The following ABRAXAS2 variants were observed in gnomAD, a reference collection of about 807,000 sequenced individuals.
The protein encoded by ABRAXAS2 is abraxas 2, BRISC complex subunit.
A neutral mutation model predicts 49.0 loss-of-function variants in ABRAXAS2; 23 were observed. That is an observed-to-expected ratio of 0.47 (90% CI 0.34 to 0.66). The LOEUF (loss-of-function observed/expected upper bound fraction) is 0.66. Among genes scored for constraint, ABRAXAS2 ranks in the 30% least tolerant of loss-of-function variants. ABRAXAS2 has a pLI of 0.01. For synonymous variants in ABRAXAS2, 168 were observed against 180.2 expected (o/e 0.93, Z 0.54); for missense variants, 443 against 511.9 (o/e 0.87, Z 1.30).
At chr10:124,808,425 C>T (rs925438125) in intron 2 of ABRAXAS2, among the ~76,000 whole-genome samples, 3 of 152,146 alleles carry the variant, frequency 2.0e-5, no homozygotes, top group African/African-American at 7.2e-5. Flanking sequence ...ATCCGCCCAC[C>T]TCAGCCTCCC....
intron 3 of ABRAXAS2, among the ~76,000 whole-genome samples, chr10:124,817,368 A>C (rs986579606): frequency 6.6e-6 from 1 of 152,168 alleles, no homozygotes; most frequent in African/African-American, 2.4e-5. Flanking sequence ...AGAGTGAGGA[A>C]AAGAAAGTCC....
chr10:124,828,674 C>CT (rs377051096), intron 5 of ABRAXAS2, 82 bp from the exon 6 acceptor site: 94,192 of 1,090,420 alleles, frequency 0.086, 1,169 homozygotes, highest in African/African-American at 0.21. Flanking sequence ...ACACCCAGCC[C>CT]TTTTTTTTTT....
chr10:124,828,685 T>A (rs1372542346), intron 5 of ABRAXAS2, 71 bp from the exon 6 acceptor site: 4 of 1,444,406 alleles, frequency 2.8e-6, no homozygotes, highest in South Asian at 2.6e-5. Context: ...TTTTTTTTTT[T>A]AGACTGTCAG....
chr10:124,829,884 A>G (rs1261894793), intron 7 of ABRAXAS2, among the ~76,000 whole-genome samples: 1 of 152,190 alleles, frequency 6.6e-6, no homozygotes. Context: ...AGCTGCCTCC[A>G]TCGAGTGGGA....
chr10:124,816,192 C>T (rs936676568), intron 2 of ABRAXAS2, among the ~76,000 whole-genome samples: 6 of 152,140 alleles, frequency 3.9e-5, no homozygotes, highest in African/African-American at 9.7e-5. Flanking sequence ...TGAGCCACTG[C>T]GACCTGCCTA....
chr10:124,804,849 G>C (rs1199380042), intron 1 of ABRAXAS2, among the ~76,000 whole-genome samples: 1 of 151,596 alleles, frequency 6.6e-6, no homozygotes, highest in South Asian at 2.1e-4. Context: ...TAGTAGCTGG[G>C]ATTACAGGTG....
chr10:124,819,048 C>T (rs1950843728), intron 3 of ABRAXAS2, among the ~76,000 whole-genome samples: 1 of 152,128 alleles, frequency 6.6e-6, no homozygotes, highest in Non-Finnish European at 1.5e-5. Flanking sequence ...AAATGAGCTG[C>T]TACGTTATCT....
chr10:124,802,678 C>T (rs1950714152), intron 1 of ABRAXAS2, among the ~76,000 whole-genome samples: 2 of 152,178 alleles, frequency 1.3e-5, no homozygotes, highest in African/African-American at 2.4e-5. Flanking sequence ...CTTTGTGAAA[C>T]TAGATCACTT....
intron 1 of ABRAXAS2, among the ~76,000 whole-genome samples, chr10:124,805,249 C>T (rs1040423412): frequency 6.6e-6 from 1 of 151,262 alleles, no homozygotes; most frequent in Admixed American, 6.6e-5. Context: ...AGGAGAATGG[C>T]GTGAACCCCG....
At chr10:124,815,892 C>CTTTTTT (rs34730970) in intron 2 of ABRAXAS2, among the ~76,000 whole-genome samples, 1 of 94,668 alleles carries the variant, frequency 1.1e-5, no homozygotes, top group Non-Finnish European at 2.0e-5. Context: ...GTCCTCGCAG[C>CTTTTTT]TTTTTTTTTT....
rs1488519758 is a variant in ABRAXAS2, at chr10:124,806,918, A to G, written c.160A>G (p.Ile54Val). 1 of 1,597,754 alleles carries G rather than the reference A, an allele frequency of 6.3e-7. No individual in the cohort carries two copies. The highest frequency in any genetic ancestry group is 8.6e-7 in the Non-Finnish European group (1 of 1,166,736). The stretch of plus-strand genomic sequence containing the variant: ...CAGCAACACAGAATTTCTGCAAGTA[A>G]TTGGTAAGTAAATTTCTCAATGACC... Reference protein sequence around the residue: ...QISNTEFLQVIEIHNHQPCSK... With the variant: ...QISNTEFLQVVEIHNHQPCSK... The change falls in exon 2 of 9, where the codon ATT becomes GTT. Residue 54 changes from isoleucine to valine, a missense_variant. Around this residue, in one of 3 missense-constraint regions of ABRAXAS2, gnomAD observed 166 missense variants for 247.3 expected, o/e 0.67. Coordinates refer to ENST00000298492, the MANE Select transcript of ABRAXAS2 (RefSeq NM_032182.4).
intron 2 of ABRAXAS2, among the ~76,000 whole-genome samples, chr10:124,809,378 G>A (rs910969636): frequency 2.6e-4 from 39 of 151,960 alleles, no homozygotes; most frequent in Non-Finnish European, 5.3e-4. Context: ...TCCGCATCCC[G>A]GGTTCAAGCG....
At chr10:124,810,831 T>C (rs1950782138) in intron 2 of ABRAXAS2, among the ~76,000 whole-genome samples, 1 of 151,428 alleles carries the variant, frequency 6.6e-6, no homozygotes, top group African/African-American at 2.4e-5. Flanking sequence ...TCCATCCGCC[T>C]TGGCCTCCCA....
intron 1 of ABRAXAS2, among the ~76,000 whole-genome samples, chr10:124,803,774 G>A (rs1188714624): frequency 1.3e-5 from 2 of 152,164 alleles, no homozygotes; most frequent in Non-Finnish European, 2.9e-5. Context: ...GGTGGCACAT[G>A]CCTGTAATCC....
At chr10:124,823,934 T>C (rs931615562) in intron 4 of ABRAXAS2, among the ~76,000 whole-genome samples, 2 of 152,190 alleles carry the variant, frequency 1.3e-5, no homozygotes, top group East Asian at 3.9e-4. Context: ...TTGTTTTGTT[T>C]TTTGAGACAG....
intron 1 of ABRAXAS2, among the ~76,000 whole-genome samples, chr10:124,802,235 C>T (rs1048213804): frequency 1.3e-5 from 2 of 152,102 alleles, no homozygotes; most frequent in Non-Finnish European, 2.9e-5. Flanking sequence ...GAAAGTCAGG[C>T]TTCTAGACTT....
chr10:124,831,737 C>T (rs902726203), intron 8 of ABRAXAS2, among the ~76,000 whole-genome samples: 1 of 150,036 alleles, frequency 6.7e-6, no homozygotes, highest in Non-Finnish European at 1.5e-5. Flanking sequence ...GTTATTGATA[C>T]AGATTTGTGT....
intron 1 of ABRAXAS2, among the ~76,000 whole-genome samples, chr10:124,802,502 G>C (rs1462296455): frequency 2.0e-5 from 3 of 152,176 alleles, no homozygotes; most frequent in African/African-American, 7.2e-5. Flanking sequence ...AGTTCTTTGT[G>C]ACTAGTTCTT....
At chr10:124,820,313 G>T (rs143594768) in intron 4 of ABRAXAS2, among the ~76,000 whole-genome samples, 186 of 152,314 alleles carry the variant, frequency 1.2e-3, no homozygotes, top group African/African-American at 4.4e-3. Flanking sequence ...CCAGGAAGGG[G>T]TGTTAAAGCA....
Sources: gnomAD v4.1 joint callset for allele counts (sites outside exome capture counted in the v4.1 genomes callset) on GRCh38, gnomAD v4.1.1 for gene constraint, gnomAD v4.1.1 regional missense constraint, MANE v1.5 for transcripts, NCBI Gene and HGNC (gene_info 2026-07-23, HGNC 2026-07-21) for gene names.